CCSER1: variants seen among roughly 807,000 people sequenced by gnomAD.
The protein encoded by CCSER1 is serine-rich coiled-coil domain-containing protein 1.
In CCSER1, 41 loss-of-function variants were observed where a neutral mutation model predicts 82.0. The observed-to-expected ratio is 0.50, with a 90% CI of 0.39 to 0.65. The LOEUF is 0.65. Ranked by LOEUF, CCSER1 falls within the 30% of genes least tolerant of loss-of-function variation. The probability of loss-of-function intolerance (pLI) is 0.00; values close to 1 mark genes in which losing one functional copy is unlikely to be tolerated. For synonymous variants in CCSER1, 414 were observed against 383.9 expected, an observed-to-expected ratio of 1.08 and a Z score of -0.92; for missense variants, 1,119 against 1,064.2, an observed-to-expected ratio of 1.05 and a Z score of -0.72.
chr4:90,685,557 A>T (rs1259622116), intron 6 of CCSER1, among the ~76,000 whole-genome samples: 1 of 152,134 alleles, frequency 6.6e-6, no homozygotes, highest in Non-Finnish European at 1.5e-5. Flanking sequence ...CACTAAATAC[A>T]CATTCTCCAG....
intron 7 of CCSER1, among the ~76,000 whole-genome samples, chr4:90,786,203 A>G (rs954790411): frequency 2.0e-5 from 3 of 152,214 alleles, no homozygotes; most frequent in Admixed American, 2.0e-4. Flanking sequence ...TGGAAGCGCA[A>G]CTGAAGTGAT....
rs995709674 is a variant in CCSER1, at chr4:91,014,104, G to C, written c.2173-71846G>C. 5.3e-5 allele frequency among the ~76,000 whole-genome samples: 7 copies of C among 133,116 alleles called. 1 individual carries two copies. Among genetic ancestry groups the C allele is most frequent in the Admixed American group, 1.5e-4 (2 of 13,292 alleles). The allele number at this position is 133,116 out of a possible 152,430, so 87.3% of individuals were successfully genotyped here. ...CATCACTTAATGCTTGGAAGAGTGA[G>C]ATTTTTAGGAAAAATATTCTTTAGC... On this transcript the variant is annotated intron_variant, in intron 9 of 10. Coordinates refer to ENST00000509176, the MANE Select transcript of CCSER1 (RefSeq NM_001145065.2).
chr4:90,393,322 G>A (rs906837976), intron 3 of CCSER1, among the ~76,000 whole-genome samples: 1 of 152,144 alleles, frequency 6.6e-6, no homozygotes, highest in African/African-American at 2.4e-5. Context: ...TATGTCACAA[G>A]TGTTTTAATA....
At chr4:90,727,392 C>T in intron 7 of CCSER1, 1 of 414,634 alleles carries the variant, frequency 2.4e-6, no homozygotes, top group Admixed American at 2.9e-5. Flanking sequence ...CAGTGGATTG[C>T]TTAGCCATTA....
chr4:91,595,971 A>C (rs1169645242), intron 10 of CCSER1, among the ~76,000 whole-genome samples: 2 of 149,552 alleles, frequency 1.3e-5, no homozygotes, highest in Admixed American at 1.3e-4. Context: ...AAAAAAACCA[A>C]GGGCAAAAAA....
intron 10 of CCSER1, among the ~76,000 whole-genome samples, chr4:91,392,068 TG>T (rs1751686898): frequency 6.6e-6 from 1 of 152,144 alleles, no homozygotes; most frequent in Non-Finnish European, 1.5e-5. Flanking sequence ...AAATAGATAC[TG>T]TCACATCATA....
At chr4:91,207,537 A>G (rs987186123) in intron 10 of CCSER1, among the ~76,000 whole-genome samples, 1 of 151,892 alleles carries the variant, frequency 6.6e-6, no homozygotes, top group Admixed American at 6.6e-5. Flanking sequence ...AGTTCCATAC[A>G]TGTTCTTGTA....
intron 3 of CCSER1, among the ~76,000 whole-genome samples, chr4:90,369,528 A>G (rs1387606684): frequency 1.3e-5 from 2 of 152,046 alleles, no homozygotes; most frequent in African/African-American, 2.4e-5. Context: ...AGTATATTTG[A>G]GAAGTTAGAT....
chr4:90,604,921 C>T (rs1318145876), intron 5 of CCSER1, among the ~76,000 whole-genome samples: 1 of 152,164 alleles, frequency 6.6e-6, no homozygotes, highest in African/African-American at 2.4e-5. Context: ...GTAAAATGGA[C>T]CAATCAGCAG....
chr4:91,215,877 G>A (rs951980994), intron 10 of CCSER1, among the ~76,000 whole-genome samples: 1 of 152,156 alleles, frequency 6.6e-6, no homozygotes, highest in African/African-American at 2.4e-5. Context: ...GGATTTTTGT[G>A]TGTGTGCCTT....
chr4:91,422,915 T>C (rs1753759587), intron 10 of CCSER1, among the ~76,000 whole-genome samples: 1 of 152,120 alleles, frequency 6.6e-6, no homozygotes, highest in African/African-American at 2.4e-5. Flanking sequence ...GACATTTCAA[T>C]GTCAACTTTT....
At chr4:91,083,138 A>G (rs1398164907) in intron 9 of CCSER1, among the ~76,000 whole-genome samples, 4 of 152,356 alleles carry the variant, frequency 2.6e-5, no homozygotes, top group East Asian at 1.9e-4. Context: ...ACTATTCACA[A>G]TAGCAAAGAC....
intron 5 of CCSER1, among the ~76,000 whole-genome samples, chr4:90,530,890 A>T (rs1424904776): frequency 6.6e-6 from 1 of 152,060 alleles, no homozygotes; most frequent in Non-Finnish European, 1.5e-5. Context: ...ACCTTGTGCT[A>T]CTCCTGCCTC....
chr4:91,209,213 T>A (rs1206877470), intron 10 of CCSER1, among the ~76,000 whole-genome samples: 3 of 152,038 alleles, frequency 2.0e-5, no homozygotes, highest in African/African-American at 7.2e-5. Flanking sequence ...TTTCTTTCAT[T>A]TGCCTGATTG....
chr4:90,145,575 T>A (rs1036548922), intron 1 of CCSER1, among the ~76,000 whole-genome samples: 1 of 152,160 alleles, frequency 6.6e-6, no homozygotes, highest in Non-Finnish European at 1.5e-5. Context: ...TGTTCACATC[T>A]GTGTTTATAG....
intron 10 of CCSER1, among the ~76,000 whole-genome samples, chr4:91,203,659 CAG>C (rs1450800047): frequency 1.3e-5 from 2 of 148,468 alleles, no homozygotes; most frequent in African/African-American, 5.0e-5. Flanking sequence ...TAAAAAAAAA[CAG>C]GGTAAAAGGA....
Position 91,153,009 on chromosome 4 carries a change from G to T in CCSER1, c.2217+67015G>T, listed in dbSNP as rs1011670328. Among the ~76,000 whole-genome samples, 9 of 151,996 alleles carry T rather than the reference G, an allele frequency of 5.9e-5. 1 individual carries two copies. Among genetic ancestry groups the T allele is most frequent in the African/African-American group, 2.2e-4 (9 of 41,502 alleles). ...GTGTCTTGGAGTTGCTCTTCTCAAGGAGTATCTTTGTGGCGTTCTCTGTAT... is the reference window on the plus strand; with the variant it reads ...GTGTCTTGGAGTTGCTCTTCTCAAGTAGTATCTTTGTGGCGTTCTCTGTAT... On this transcript the variant is annotated intron_variant, in intron 10 of 10. Transcript: ENST00000509176.
chr4:90,860,351 TA>T (rs148724241), intron 8 of CCSER1, among the ~76,000 whole-genome samples: 7,355 of 151,424 alleles, frequency 0.049, 313 homozygotes, highest in African/African-American at 0.12. Context: ...AGACAGAAAA[TA>T]AAAAATATTA....
chr4:91,177,147 C>T (rs1230530668), intron 10 of CCSER1, among the ~76,000 whole-genome samples: 1 of 152,152 alleles, frequency 6.6e-6, no homozygotes, highest in South Asian at 2.1e-4. Flanking sequence ...GTTGAACCAG[C>T]CTTGCATCCC....
Sources: gnomAD v4.1 joint callset for allele counts (sites outside exome capture counted in the v4.1 genomes callset) on GRCh38, gnomAD v4.1.1 for gene constraint, MANE v1.5 for transcripts, NCBI Gene and HGNC (gene_info 2026-07-23, HGNC 2026-07-21) for gene names.